Variants in HMX1 observed in about 807,000 individuals in gnomAD.
HMX1 encodes H6 family homeobox 1.
HMX1 carries 8 observed loss-of-function variants against 8.9 expected under a neutral mutation model. The observed-to-expected ratio is 0.90, with a 90% CI of 0.53 to 1.63. The LOEUF (loss-of-function observed/expected upper bound fraction) is 1.63. HMX1 is among the 40% of genes most tolerant of loss of function. The pLI is 0.00. For missense variants in HMX1, 621 were observed against 558.5 expected (o/e 1.11, Z -1.13); for synonymous variants, 311 against 283.4 (o/e 1.10, Z -0.98).
intron 1 of HMX1, among the ~76,000 whole-genome samples, chr4:8,869,382 G>A (rs1200548474): frequency 6.6e-6 from 1 of 152,250 alleles, no homozygotes. Flanking sequence ...TTCTGCCTTG[G>A]TCTGGAGCCT....
At chr4:8,864,432 C>G (rs894323075), downstream of HMX1, among the ~76,000 whole-genome samples, 3 of 152,154 alleles carry the variant, frequency 2.0e-5, no homozygotes, top group African/African-American at 7.2e-5. Flanking sequence ...TGGGTGGAAC[C>G]CGCGAGGGGG....
downstream of HMX1, among the ~76,000 whole-genome samples, chr4:8,864,828 G>T (rs912764288): frequency 4.6e-5 from 7 of 152,308 alleles, no homozygotes; most frequent in African/African-American, 1.7e-4. Flanking sequence ...TCCCACGCCG[G>T]CTCCCTCCTT....
rs1173082686 is a variant in HMX1 at position 8,859,640 on chromosome 4, C to T, written c.394+11581G>A. 3.3e-5 allele frequency among the ~76,000 whole-genome samples: 5 copies of T among 152,228 alleles called. No homozygotes were observed. In the South Asian group the frequency reaches 6.2e-4, roughly 19 times the overall value. Reference sequence around the variant, plus strand: ...GAGCTGGGCTCAGCATCCTCATCTCCTCGCCCTGTCATTGCCGCCACTAGA... The same window carrying T: ...GAGCTGGGCTCAGCATCCTCATCTCTTCGCCCTGTCATTGCCGCCACTAGA... On this transcript the variant is annotated intron_variant, in intron 1 of 1. Transcript: ENST00000506970.
At chr4:8,864,124 G>C (rs1721917205), downstream of HMX1, among the ~76,000 whole-genome samples, 1 of 152,196 alleles carries the variant, frequency 6.6e-6, no homozygotes, top group African/African-American at 2.4e-5. Context: ...ACCACAGCAT[G>C]GGCCCTGGGA....
Position 8,870,980 on chromosome 4 carries a change from G to A in HMX1, c.394+241C>T, listed in dbSNP as rs1722192769. Among the ~76,000 whole-genome samples the A allele has an allele frequency of 2.0e-5, 3 of 152,054 alleles. No homozygotes were observed. Among genetic ancestry groups the A allele is most frequent in the Admixed American group, 6.5e-5 (1 of 15,282 alleles). ...GCCTCCCTGGGACCGGAGGAGCCCG[G>A]CAATGGGTGAAGCTATGGCCTGCAA... On this transcript the variant is annotated intron_variant, in intron 1 of 1. Coordinates refer to ENST00000400677, the MANE Select transcript of HMX1 (RefSeq NM_018942.3). The surrounding 1 kb of genome is among the most constrained non-coding windows in gnomAD (Gnocchi z 4.4).
At chr4:8,865,226 C>G (rs1374294705), downstream of HMX1, among the ~76,000 whole-genome samples, 1 of 152,212 alleles carries the variant, frequency 6.6e-6, no homozygotes, top group East Asian at 1.9e-4. Flanking sequence ...ACCACACAAC[C>G]TTGGGACTGC....
At position 8,868,177 on chromosome 4, in the gene HMX1, G is replaced by A. The variant is rs761151270; in HGVS notation, c.563C>T (p.Ala188Val). The A allele has an allele frequency of 5.3e-6, 8 of 1,496,852 alleles. No individual in the cohort carries two copies. The highest frequency in any genetic ancestry group is 5.0e-5 in the South Asian group (4 of 79,688). 92.7% of individuals were successfully genotyped at this position (1,496,852 alleles called of 1,614,324 possible). ...AACGCCGCCGCGTGTCTCCCCAGCCGCCGCAGGGACCTCGGCCAGCTCCGA... is the reference window on the plus strand; with the variant it reads ...AACGCCGCCGCGTGTCTCCCCAGCCACCGCAGGGACCTCGGCCAGCTCCGA... ...EASELAEVPA[A>V]AGETRGGVGV... Residue 188 changes from alanine to valine, a missense_variant, in exon 2 of 2, where the codon GCG becomes GTG. Physicochemically the swap from Ala to Val is moderately conservative, Grantham distance 64 (BLOSUM62 0). Transcript: ENST00000400677. The surrounding 1 kb of genome is among the most constrained non-coding windows in gnomAD (Gnocchi z 4.6).
intron 1 of HMX1, among the ~76,000 whole-genome samples, chr4:8,860,351 A>C (rs907939261): frequency 6.6e-6 from 1 of 152,170 alleles, no homozygotes; most frequent in Non-Finnish European, 1.5e-5. Flanking sequence ...GCTGAGCGGG[A>C]ACACGGAAGG....
downstream of HMX1, among the ~76,000 whole-genome samples, chr4:8,865,866 G>T (rs971824608): frequency 6.6e-6 from 1 of 152,246 alleles, no homozygotes; most frequent in African/African-American, 2.4e-5. Context: ...CCCCAAAGCA[G>T]CGAGGGAGCC....
chr4:8,859,674 G>T (rs928927809), intron 1 of HMX1, among the ~76,000 whole-genome samples: 1 of 152,204 alleles, frequency 6.6e-6, no homozygotes, highest in Non-Finnish European at 1.5e-5. Context: ...GAGAAATGGG[G>T]ACAGAGTCTC....
At chr4:8,850,497 C>T (rs940834022) in intron 1 of HMX1, among the ~76,000 whole-genome samples, 5 of 152,166 alleles carry the variant, frequency 3.3e-5, no homozygotes, top group African/African-American at 7.2e-5. Flanking sequence ...GGGCAGACTG[C>T]GCCCTCCTCC....
chr4:8,852,040 G>T (rs1365305509), intron 1 of HMX1, among the ~76,000 whole-genome samples: 1 of 152,268 alleles, frequency 6.6e-6, no homozygotes, highest in East Asian at 1.9e-4. Context: ...AGACACTGCA[G>T]TGGGAGTGCA....
intron 1 of HMX1, among the ~76,000 whole-genome samples, chr4:8,857,847 C>T (rs1003088120): frequency 6.6e-6 from 1 of 152,162 alleles, no homozygotes; most frequent in Non-Finnish European, 1.5e-5. Flanking sequence ...GAAGTGCGCT[C>T]CTCCAGGGTC....
exon 2 of HMX1, chr4:8,846,301 G>A: frequency 6.5e-7 from 1 of 1,535,118 alleles, no homozygotes. Flanking sequence ...CACTGCACAG[G>A]CTGAGGTGTA....
intron 1 of HMX1, among the ~76,000 whole-genome samples, chr4:8,855,733 A>T (rs1249042494): frequency 6.6e-6 from 1 of 152,194 alleles, no homozygotes; most frequent in East Asian, 1.9e-4. Context: ...GAAGTCGCAG[A>T]GAAAGTTTCA....
chr4:8,865,323 T>C (rs911171162), downstream of HMX1, among the ~76,000 whole-genome samples: 3 of 152,130 alleles, frequency 2.0e-5, no homozygotes, highest in Non-Finnish European at 2.9e-5. Flanking sequence ...CCCCTTCTAA[T>C]AGGGCCGAGG....
intron 1 of HMX1, among the ~76,000 whole-genome samples, chr4:8,862,002 G>A (rs1320361086): frequency 6.6e-6 from 1 of 152,224 alleles, no homozygotes; most frequent in Non-Finnish European, 1.5e-5. Context: ...GGACCCTTCA[G>A]CCCTTGTCCG....
intron 1 of HMX1, among the ~76,000 whole-genome samples, chr4:8,858,005 G>C (rs968119236): frequency 6.6e-6 from 1 of 151,944 alleles, no homozygotes; most frequent in Non-Finnish European, 1.5e-5. Flanking sequence ...TAACGAAAAA[G>C]AAGTTGAAGC....
intron 1 of HMX1, among the ~76,000 whole-genome samples, chr4:8,861,875 G>A (rs1279235614): frequency 6.6e-6 from 1 of 152,262 alleles, no homozygotes; most frequent in Non-Finnish European, 1.5e-5. Flanking sequence ...GGAAACCAAA[G>A]ACAACGCACC....
Sources: allele counts gnomAD v4.1 joint callset (sites outside exome capture counted in the v4.1 genomes callset), GRCh38; gene constraint gnomAD v4.1.1; non-coding constraint Gnocchi (gnomAD v3.1); transcripts MANE v1.5; gene names NCBI Gene and HGNC (gene_info 2026-07-23, HGNC 2026-07-21).